The following FAM118A variants were observed in gnomAD, a reference collection of about 807,000 sequenced individuals.
FAM118A encodes SIR2 antiphage like 2.
In FAM118A, 25 loss-of-function variants were observed where a neutral mutation model predicts 38.2. The observed-to-expected ratio is 0.65, with a 90% CI of 0.48 to 0.91. The LOEUF (loss-of-function observed/expected upper bound fraction) is 0.91. Ranked by LOEUF, FAM118A falls within the 40% of genes least tolerant of loss-of-function variation. The pLI, the probability that FAM118A is intolerant of heterozygous loss-of-function variation, is 0.00. For missense variants in FAM118A, 425 were observed against 463.3 expected, an observed-to-expected ratio of 0.92 and a Z score of 0.76; for synonymous variants, 178 against 184.1, an observed-to-expected ratio of 0.97 and a Z score of 0.27.
intron 1 of FAM118A, among the ~76,000 whole-genome samples, chr22:45,311,774 G>A (rs2084376557): frequency 6.6e-6 from 1 of 152,168 alleles, no homozygotes; most frequent in Non-Finnish European, 1.5e-5. Flanking sequence ...GACCAAGGCG[G>A]TGGTAGTGGG....
intron 4 of FAM118A, chr22:45,329,345 AGT>A (rs770070627): frequency 2.6e-5 from 4 of 152,228 alleles, no homozygotes; most frequent in South Asian, 2.1e-4. Context: ...GTAGTGGCTG[AGT>A]GTGGGAGTAT....
chr22:45,312,474 A>G (rs1351345557), intron 1 of FAM118A, among the ~76,000 whole-genome samples: 1 of 152,148 alleles, frequency 6.6e-6, no homozygotes, highest in Non-Finnish European at 1.5e-5. Flanking sequence ...GCAGTTCGAG[A>G]CCAGCCTGGC....
chr22:45,320,386 AAAAC>A (rs569696255), intron 1 of FAM118A, among the ~76,000 whole-genome samples: 17 of 151,542 alleles, frequency 1.1e-4, no homozygotes, highest in South Asian at 6.2e-4. Flanking sequence ...CCATCAAAAA[AAAAC>A]AAACAAACAC....
At chr22:45,335,069 C>G in intron 6 of FAM118A, 1 of 459,404 alleles carries the variant, frequency 2.2e-6, no homozygotes, top group Non-Finnish European at 3.8e-6. Context: ...AGTGCCACTC[C>G]TGATGGGAGA....
intron 3 of FAM118A, among the ~76,000 whole-genome samples, chr22:45,326,225 C>T (rs2088902911): frequency 7.0e-6 from 1 of 143,636 alleles, no homozygotes; most frequent in South Asian, 2.5e-4. Flanking sequence ...AGCATGGTTG[C>T]TGCATCTGCT....
chr22:45,314,383 A>C lies in FAM118A; in HGVS notation c.-10+4200A>C, dbSNP rs188655951. 2.0e-5 allele frequency among the ~76,000 whole-genome samples: 3 copies of C among 152,272 alleles called. No homozygotes were observed. The East Asian group carries it at 5.8e-4, about 29-fold the overall frequency. On this transcript the variant is annotated intron_variant, in intron 1 of 8. Coordinates refer to ENST00000441876, the MANE Select transcript of FAM118A (RefSeq NM_017911.4). ...GAAAACTAAACTGTGCCTTATTTGT[A>C]ATGATTTGGTGGTAAAGAGGTAGAA...
chr22:45,325,752 A>G (rs963590816), intron 3 of FAM118A, among the ~76,000 whole-genome samples: 1 of 152,308 alleles, frequency 6.6e-6, no homozygotes, highest in South Asian at 2.1e-4. Flanking sequence ...CCATGATCCC[A>G]GGGAGAATCA....
intron 6 of FAM118A, among the ~76,000 whole-genome samples, 200 bp downstream of exon 6, chr22:45,332,910 A>AT (rs1440712958): frequency 6.6e-6 from 1 of 151,740 alleles, no homozygotes; most frequent in Non-Finnish European, 1.5e-5. Flanking sequence ...TGCCTGGCTA[A>AT]TTTTGTATTT....
At chr22:45,316,793 G>A (rs1231826189) in intron 1 of FAM118A, among the ~76,000 whole-genome samples, 2 of 152,156 alleles carry the variant, frequency 1.3e-5, no homozygotes, top group African/African-American at 2.4e-5. Flanking sequence ...TGCTCTAAGG[G>A]CTCAACATAA....
intron 8 of FAM118A, among the ~76,000 whole-genome samples, chr22:45,337,439 A>AT (rs2086186333): frequency 6.6e-6 from 1 of 151,768 alleles, no homozygotes; most frequent in Non-Finnish European, 1.5e-5. Flanking sequence ...CCATTCTCCC[A>AT]TTTTTTATTG....
At chr22:45,331,813 C>T (rs1054464359) in intron 5 of FAM118A, among the ~76,000 whole-genome samples, 1 of 152,054 alleles carries the variant, frequency 6.6e-6, no homozygotes, top group Admixed American at 6.6e-5. Context: ...GCTGCATTGG[C>T]GATTCCCTCC....
intron 1 of FAM118A, among the ~76,000 whole-genome samples, chr22:45,319,467 G>T (rs1330670448): frequency 6.6e-6 from 1 of 152,222 alleles, no homozygotes; most frequent in Non-Finnish European, 1.5e-5. Flanking sequence ...AGGAGGCCGG[G>T]AGTGTGCAGG....
chr22:45,332,751 C>CT (rs58672588), intron 6 of FAM118A, 41 bp downstream of exon 6: 67,623 of 1,191,862 alleles, frequency 0.057, 4 homozygotes, highest in South Asian at 0.067. Flanking sequence ...TTTCTTTTTT[C>CT]TTTTTTTTTT....
At chr22:45,327,469 G>C (rs1007233758) in intron 3 of FAM118A, among the ~76,000 whole-genome samples, 5 of 152,142 alleles carry the variant, frequency 3.3e-5, no homozygotes, top group African/African-American at 1.2e-4. Flanking sequence ...GGACGTACCT[G>C]AGCCGTGACC....
chr22:45,321,273 A>C (rs1247790711), intron 1 of FAM118A, among the ~76,000 whole-genome samples: 1 of 152,174 alleles, frequency 6.6e-6, no homozygotes, highest in Non-Finnish European at 1.5e-5. Context: ...AGTAGAGGGA[A>C]TATATAAATG....
At chr22:45,321,224 C>T (rs562631754) in intron 1 of FAM118A, among the ~76,000 whole-genome samples, 1 of 152,182 alleles carries the variant, frequency 6.6e-6, no homozygotes, top group South Asian at 2.1e-4. Context: ...TCAAGTGATT[C>T]TCCTGCCTCA....
intron 8 of FAM118A, among the ~76,000 whole-genome samples, chr22:45,339,057 G>A (rs1011740221): frequency 1.3e-5 from 2 of 152,204 alleles, no homozygotes; most frequent in African/African-American, 4.8e-5. Flanking sequence ...GGCAGTCCTT[G>A]TGGGAGAGCT....
chr22:45,328,535 G>A, intron 4 of FAM118A: 1 of 728,938 alleles, frequency 1.4e-6, no homozygotes, highest in Admixed American at 2.0e-5. Flanking sequence ...GGGAGGCCGA[G>A]GTGGGAGGAT....
intron 4 of FAM118A, chr22:45,328,656 A>C: frequency 1.6e-5 from 9 of 572,058 alleles, no homozygotes; most frequent in East Asian, 2.9e-5. Context: ...TAATAATGGA[A>C]AGTGGCACAC....
Sources: allele counts gnomAD v4.1 joint callset (sites outside exome capture counted in the v4.1 genomes callset), GRCh38; gene constraint gnomAD v4.1.1; transcripts MANE v1.5; gene names NCBI Gene and HGNC (gene_info 2026-07-23, HGNC 2026-07-21).